SAMTOR: variants seen among roughly 807,000 people sequenced by gnomAD.
The protein encoded by SAMTOR is S-adenosylmethionine sensor upstream of mTORC1, also known as UPF0532 protein C7orf60.
chr7:112,875,661 T>A, the SAMTOR span, among the ~76,000 whole-genome samples: 1 of 152,134 alleles, frequency 6.6e-6, no homozygotes, highest in Non-Finnish European at 1.5e-5. Context: ...TCTATAAACA[T>A]CCCACTTGAA....
the SAMTOR span, among the ~76,000 whole-genome samples, chr7:112,931,421 C>T: frequency 2.0e-5 from 3 of 151,930 alleles, no homozygotes; most frequent in East Asian, 3.8e-4. Context: ...AACATATCAA[C>T]GATAAAAATA....
At chr7:112,875,524 T>C in the SAMTOR span, among the ~76,000 whole-genome samples, 2 of 152,158 alleles carry the variant, frequency 1.3e-5, no homozygotes, top group African/African-American at 4.8e-5. Flanking sequence ...TTAATATTTT[T>C]CACTATAGAT....
At chr7:112,855,342 T>TA in the SAMTOR span, among the ~76,000 whole-genome samples, 1 of 152,138 alleles carries the variant, frequency 6.6e-6, no homozygotes. Flanking sequence ...ACCACAAACT[T>TA]AACTTTAAAA....
the SAMTOR span, among the ~76,000 whole-genome samples, chr7:112,904,777 G>T: frequency 6.6e-6 from 1 of 152,076 alleles, no homozygotes; most frequent in Non-Finnish European, 1.5e-5. Context: ...AAAATCCAAA[G>T]ATGAAATAGT....
At chr7:112,886,517 C>T in the SAMTOR span, among the ~76,000 whole-genome samples, 13 of 152,172 alleles carry the variant, frequency 8.5e-5, no homozygotes, top group Non-Finnish European at 4.4e-5. Flanking sequence ...AGAAAGGAAA[C>T]AACCTAAATG....
chr7:112,872,941 G>C, the SAMTOR span, among the ~76,000 whole-genome samples: 1 of 151,448 alleles, frequency 6.6e-6, no homozygotes, highest in Admixed American at 6.6e-5. Flanking sequence ...GTGCGTGTGT[G>C]CACGTGCGTG....
chr7:112,839,072 GC>G, the SAMTOR span, among the ~76,000 whole-genome samples: 1 of 151,850 alleles, frequency 6.6e-6, no homozygotes, highest in African/African-American at 2.4e-5. Context: ...AACAGCTTAT[GC>G]CAGGGTTGAA....
the SAMTOR span, among the ~76,000 whole-genome samples, chr7:112,844,092 A>T: frequency 6.6e-6 from 1 of 152,152 alleles, no homozygotes; most frequent in Admixed American, 6.5e-5. Context: ...TTCATGTTAA[A>T]AACTCTCAAT....
the SAMTOR span, among the ~76,000 whole-genome samples, chr7:112,889,819 C>T: frequency 6.6e-6 from 1 of 152,162 alleles, no homozygotes; most frequent in Non-Finnish European, 1.5e-5. Flanking sequence ...CCCCCAACCC[C>T]TGCTTAGCTA....
At chr7:112,939,747 C>G in the SAMTOR span, 1 of 1,597,360 alleles carries the variant, frequency 6.3e-7, no homozygotes, top group Non-Finnish European at 8.5e-7. Flanking sequence ...GCCCCTGGCT[C>G]CATATCGCAG....
chr7:112,835,796 T>A, the SAMTOR span, among the ~76,000 whole-genome samples: 1 of 152,112 alleles, frequency 6.6e-6, no homozygotes, highest in Non-Finnish European at 1.5e-5. Flanking sequence ...CCATCCATGT[T>A]GCTAAAAAGG....
chr7:112,932,429 A>G, the SAMTOR span, among the ~76,000 whole-genome samples: 23 of 152,228 alleles, frequency 1.5e-4, no homozygotes, highest in Non-Finnish European at 2.9e-4. Context: ...TTAAGAAGAC[A>G]TGAGCATAAA....
At chr7:112,826,776 T>C in the SAMTOR span, among the ~76,000 whole-genome samples, 8 of 152,190 alleles carry the variant, frequency 5.3e-5, no homozygotes, top group African/African-American at 1.7e-4. Flanking sequence ...TTTGTGACTT[T>C]AGTGACATCT....
chr7:112,821,498 A>G, the SAMTOR span: 1 of 345,392 alleles, frequency 2.9e-6, no homozygotes. Flanking sequence ...CCTTTCTATG[A>G]TAGTGCTAAA....
the SAMTOR span, among the ~76,000 whole-genome samples, chr7:112,841,337 A>C: frequency 2.6e-5 from 4 of 152,196 alleles, no homozygotes; most frequent in East Asian, 3.9e-4. Context: ...CACAATTGCT[A>C]CAAAGAAAAT....
At chr7:112,877,382 A>G in the SAMTOR span, among the ~76,000 whole-genome samples, 6 of 152,140 alleles carry the variant, frequency 3.9e-5, no homozygotes, top group African/African-American at 1.4e-4. Flanking sequence ...ACTCTTTTGT[A>G]CTCTTAAAAA....
chr7:112,826,503 T>C, the SAMTOR span, among the ~76,000 whole-genome samples: 33 of 152,292 alleles, frequency 2.2e-4, no homozygotes, highest in East Asian at 5.4e-3. Flanking sequence ...TCTGTCATGA[T>C]GTTACCTTTT....
chr7:112,841,209 A>G, the SAMTOR span, among the ~76,000 whole-genome samples: 1 of 152,176 alleles, frequency 6.6e-6, no homozygotes. Flanking sequence ...AATCTCCTTA[A>G]GCTGATAAGC....
At chr7:112,872,416 C>G in the SAMTOR span, among the ~76,000 whole-genome samples, 1 of 151,928 alleles carries the variant, frequency 6.6e-6, no homozygotes, top group Non-Finnish European at 1.5e-5. Flanking sequence ...AAAAATCCAG[C>G]ATTCCTTCAT....
Sources: allele counts gnomAD v4.1 joint callset (sites outside exome capture counted in the v4.1 genomes callset), GRCh38; gene constraint gnomAD v4.1.1; transcripts MANE v1.5; gene names NCBI Gene and HGNC (gene_info 2026-07-23, HGNC 2026-07-21).